The following CDS2 variants were observed in gnomAD, a reference collection of about 807,000 sequenced individuals.
The protein encoded by CDS2 is CDP-diacylglycerol synthase 2, also known as phosphatidate cytidylyltransferase 2.
CDS2 carries 47 observed loss-of-function variants against 59.0 expected under a neutral mutation model. That is an observed-to-expected ratio of 0.80 (90% CI 0.63 to 1.02). CDS2 has a LOEUF of 1.02. CDS2 is among the 50% of genes least tolerant of loss of function. The pLI is 0.00. For synonymous variants in CDS2, 207 were observed against 206.4 expected, an observed-to-expected ratio of 1.00 and a Z score of -0.02; for missense variants, 356 against 558.9, an observed-to-expected ratio of 0.64 and a Z score of 3.66.
intron 1 of CDS2, among the ~76,000 whole-genome samples, chr20:5,168,275 C>T (rs550388030): frequency 5.9e-4 from 88 of 149,892 alleles, no homozygotes; most frequent in African/African-American, 2.0e-3. Flanking sequence ...ATTATCTGGG[C>T]GTGTTGGCGG....
In CDS2 at chr20:5,172,976, C is replaced by T. The variant is rs961688558; in HGVS notation, c.58-547C>T. On this transcript the variant is annotated intron_variant, in intron 1 of 12. Transcript: ENST00000460006. ...GGACTGAGGTGCACCAGTCCTGGCT[C>T]GAGCGTTGTCTGGAGTAGGCTGTCT... 5.3e-5 allele frequency among the ~76,000 whole-genome samples: 8 copies of T among 152,272 alleles called. No homozygotes were observed. In the East Asian group the frequency reaches 5.8e-4, roughly 11 times the overall value.
intron 1 of CDS2, among the ~76,000 whole-genome samples, chr20:5,138,223 A>T (rs536071017): frequency 6.6e-6 from 1 of 150,514 alleles, no homozygotes; most frequent in African/African-American, 2.4e-5. Flanking sequence ...AAGTGCTGGG[A>T]TTACACATGA....
At chr20:5,152,987 A>G (rs2090804504) in intron 1 of CDS2, among the ~76,000 whole-genome samples, 1 of 152,200 alleles carries the variant, frequency 6.6e-6, no homozygotes, top group Non-Finnish European at 1.5e-5. Flanking sequence ...AAGGTCAGCA[A>G]TACTATATCT....
intron 5 of CDS2, among the ~76,000 whole-genome samples, chr20:5,181,694 T>C (rs113152832): frequency 6.2e-4 from 95 of 152,334 alleles, no homozygotes; most frequent in African/African-American, 2.1e-3. Flanking sequence ...AGAGTGTACT[T>C]ATGCAGACCT....
chr20:5,143,166 C>G (rs1187748448), intron 1 of CDS2, among the ~76,000 whole-genome samples: 1 of 151,996 alleles, frequency 6.6e-6, no homozygotes, highest in Non-Finnish European at 1.5e-5. Context: ...TTCAGATGAT[C>G]AATAAACATG....
At chr20:5,144,860 A>G (rs1467260181) in intron 1 of CDS2, among the ~76,000 whole-genome samples, 1 of 152,126 alleles carries the variant, frequency 6.6e-6, no homozygotes, top group Non-Finnish European at 1.5e-5. Context: ...TCTGGCTTGC[A>G]GAACATAACA....
At chr20:5,174,514 ATCAGGAGG>A (rs757514376) in intron 2 of CDS2, among the ~76,000 whole-genome samples, 14 of 152,130 alleles carry the variant, frequency 9.2e-5, no homozygotes, top group Non-Finnish European at 1.8e-4. Context: ...AGGCGGGTGG[ATCAGGAGG>A]TCAGGAGATC....
At chr20:5,183,501 C>A (rs564943679) in intron 7 of CDS2, among the ~76,000 whole-genome samples, 7 of 152,204 alleles carry the variant, frequency 4.6e-5, no homozygotes, top group African/African-American at 1.4e-4. Context: ...GATTTCCTGA[C>A]AAAATATATA....
intron 5 of CDS2, among the ~76,000 whole-genome samples, chr20:5,181,591 AG>A (rs1310913389): frequency 1.8e-4 from 28 of 152,244 alleles, no homozygotes; most frequent in African/African-American, 6.3e-4. Context: ...TGGGGACCAT[AG>A]GGTCTCTTGC....
intron 1 of CDS2, among the ~76,000 whole-genome samples, chr20:5,133,489 T>G (rs1329423317): frequency 1.3e-5 from 2 of 151,986 alleles, no homozygotes; most frequent in Non-Finnish European, 2.9e-5. Context: ...GATGACTTAG[T>G]TGGTTAGATA....
chr20:5,154,675 T>G (rs1223756438), intron 1 of CDS2, among the ~76,000 whole-genome samples: 2 of 152,132 alleles, frequency 1.3e-5, no homozygotes, highest in Non-Finnish European at 2.9e-5. Context: ...TGAGACAAGG[T>G]CTTAGTCTGT....
At position 5,189,297 on chromosome 20, in the gene CDS2, T is replaced by A. The variant is rs545084659; in HGVS notation, c.1101+111T>A. ...CTAGGCTGTACACCCTGGCATTTAA[T>A]GTGTGATCTTGACCCATGCACTGAA... On this transcript the variant is annotated intron_variant, in intron 11 of 12. Transcript: ENST00000460006. 18 of 1,214,428 alleles carry A rather than the reference T, an allele frequency of 1.5e-5. No individual in the cohort carries two copies. The African/African-American group carries it at 2.7e-4, about 18-fold the overall frequency. The allele number at this position is 1,214,428 out of a possible 1,614,324, so 75.2% of individuals were successfully genotyped here.
chr20:5,180,168 G>A (rs898554849), intron 5 of CDS2, among the ~76,000 whole-genome samples: 17 of 152,134 alleles, frequency 1.1e-4, no homozygotes, highest in African/African-American at 3.9e-4. Context: ...TTTCCTTCCT[G>A]GAGAAGGGGT....
intron 10 of CDS2, chr20:5,187,458 T>G (rs987340090): frequency 4.6e-5 from 7 of 152,190 alleles, no homozygotes; most frequent in African/African-American, 1.7e-4. Context: ...GTGAGCTAAA[T>G]TAGCTGCTTT....
In CDS2 at chr20:5,197,251, G is replaced by GGT. The variant is rs2091165115; in HGVS notation, c.*7017_*7018insGT. On this transcript the variant is annotated 3_prime_UTR_variant, in exon 13 of 13. Transcript: ENST00000460006. Reference sequence around the variant, plus strand: ...CTTGGTGGTTTTTTTTTTTTTTTTGGTTTTTTTTTTTTGATCGAGCTGTGG... The same window carrying GGT: ...CTTGGTGGTTTTTTTTTTTTTTTTGGGTTTTTTTTTTTTTGATCGAGCTGTGG... The GGT allele has an allele frequency of 2.4e-5, 3 of 127,328 alleles. No individual in the cohort carries two copies. The highest frequency in any genetic ancestry group is 4.9e-5 in the Non-Finnish European group (3 of 61,784). The allele number at this position is 127,328 out of a possible 1,614,324, so 7.9% of individuals were successfully genotyped here.
intron 1 of CDS2, among the ~76,000 whole-genome samples, chr20:5,138,786 G>A (rs1032748815): frequency 2.0e-5 from 3 of 151,770 alleles, no homozygotes; most frequent in African/African-American, 7.3e-5. Context: ...CAGGAGAATC[G>A]CTTGAATCTG....
chr20:5,128,483 T>C (rs1307917044), intron 1 of CDS2: 8 of 152,174 alleles, frequency 5.3e-5, no homozygotes, highest in African/African-American at 1.9e-4. Context: ...TACCGATTTT[T>C]AGAACATATA....
At position 5,184,808 on chromosome 20, in the gene CDS2, G is replaced by A; in HGVS notation, c.672-50G>A. 3 of 1,333,028 alleles carry A rather than the reference G, an allele frequency of 2.3e-6. No individual in the cohort carries two copies. The highest frequency in any genetic ancestry group is 1.1e-6 in the Non-Finnish European group (1 of 924,110). 82.6% of individuals were successfully genotyped at this position (1,333,028 alleles called of 1,614,324 possible). ...GAATGGCACTATTTTGTGTACTTTT[G>A]AGGTACTGTCACCTTGCTTGAGTTG... On this transcript the variant is annotated intron_variant, in intron 7 of 12. Transcript: ENST00000460006. This position sits in a 1 kb window ranked among gnomAD's most constrained non-coding sequence, Gnocchi z 4.3.
chr20:5,176,015 TTGAC>T (rs1280331333), intron 3 of CDS2: 1 of 153,426 alleles, frequency 6.5e-6, no homozygotes, highest in Non-Finnish European at 1.5e-5. Flanking sequence ...AGCAAAGCAT[TTGAC>T]TTTGAATACT....
Sources: allele counts gnomAD v4.1 joint callset (sites outside exome capture counted in the v4.1 genomes callset), GRCh38; gene constraint gnomAD v4.1.1; non-coding constraint Gnocchi (gnomAD v3.1); transcripts MANE v1.5; gene names NCBI Gene and HGNC (gene_info 2026-07-23, HGNC 2026-07-21).